UBE2QL1: variants seen among roughly 807,000 people sequenced by gnomAD.
The protein encoded by UBE2QL1 is ubiquitin-conjugating enzyme E2Q-like protein 1.
Under a neutral mutation model 12.6 loss-of-function variants are expected in UBE2QL1, and 5 were observed. The observed-to-expected ratio is 0.40, with a 90% CI of 0.21 to 0.83. The LOEUF (loss-of-function observed/expected upper bound fraction) is 0.83. Among genes scored for constraint, UBE2QL1 ranks in the 40% least tolerant of loss-of-function variants. The probability of loss-of-function intolerance (pLI) is 0.37; values close to 1 mark genes in which losing one functional copy is unlikely to be tolerated. For synonymous variants in UBE2QL1, 96 were observed against 94.5 expected, an observed-to-expected ratio of 1.02 and a Z score of -0.10; for missense variants, 99 against 222.6, an observed-to-expected ratio of 0.44 and a Z score of 3.53.
intron 1 of UBE2QL1, 27 bp downstream of exon 1, chr5:6,449,274 G>A: frequency 3.7e-6 from 5 of 1,355,712 alleles, no homozygotes; most frequent in South Asian, 3.6e-5. Context: ...GGGGCTGGGG[G>A]CGCGGGGCCG....
intron 1 of UBE2QL1, among the ~76,000 whole-genome samples, chr5:6,484,683 A>G (rs1734430924): frequency 6.6e-6 from 1 of 151,914 alleles, no homozygotes; most frequent in Non-Finnish European, 1.5e-5. Context: ...ACTTCAGACA[A>G]AACCTCAACA....
chr5:6,483,844 A>T lies in UBE2QL1; in HGVS notation c.355-7374A>T, dbSNP rs150449770. Among the ~76,000 whole-genome samples the T allele has an allele frequency of 1.1e-4, 17 of 151,954 alleles. No individual in the cohort carries two copies. In the East Asian group the frequency reaches 3.3e-3, roughly 30 times the overall value. ...GCCATGTGGCCCCTCGTGCCCCACC[A>T]CCCAATGCACTGTCCTCTATGCCCT... On this transcript the variant is annotated intron_variant, in intron 1 of 1. Transcript: ENST00000399816.
intron 1 of UBE2QL1, among the ~76,000 whole-genome samples, chr5:6,484,516 G>A (rs1734427754): frequency 6.6e-6 from 1 of 152,174 alleles, no homozygotes; most frequent in Non-Finnish European, 1.5e-5. Context: ...TGGAAGCCCA[G>A]TTTCCTACTC....
chr5:6,472,155 C>CTG (rs1239542573), intron 1 of UBE2QL1, among the ~76,000 whole-genome samples: 1 of 152,190 alleles, frequency 6.6e-6, no homozygotes, highest in Non-Finnish European at 1.5e-5. Flanking sequence ...GGCTGTGTCA[C>CTG]TGTGTGTGTG....
At chr5:6,483,870 C>G (rs1369360853) in intron 1 of UBE2QL1, among the ~76,000 whole-genome samples, 1 of 152,124 alleles carries the variant, frequency 6.6e-6, no homozygotes. Flanking sequence ...TCTATGCCCT[C>G]AGATCTGGTG....
chr5:6,478,834 G>T lies in UBE2QL1; in HGVS notation c.355-12384G>T, dbSNP rs1560934727. ...GCACGTGGGAGAGTGATCCTAGGACGTGCAGATGCATTCTGTCAGGAAACA... is the reference window on the plus strand; with the variant it reads ...GCACGTGGGAGAGTGATCCTAGGACTTGCAGATGCATTCTGTCAGGAAACA... On this transcript the variant is annotated intron_variant, in intron 1 of 1. Transcript: ENST00000399816. The surrounding 1 kb of genome is among the most constrained non-coding windows in gnomAD (Gnocchi z 4.5). Among the ~76,000 whole-genome samples, 1 of 152,252 alleles carries T rather than the reference G, an allele frequency of 6.6e-6. No individual in the cohort carries two copies. Among genetic ancestry groups the T allele is most frequent in the Non-Finnish European group, 1.5e-5 (1 of 67,998 alleles).
chr5:6,467,547 A>T (rs1175767486), intron 1 of UBE2QL1, among the ~76,000 whole-genome samples: 1 of 152,082 alleles, frequency 6.6e-6, no homozygotes, highest in Non-Finnish European at 1.5e-5. Context: ...CTCTATAAAG[A>T]TTTCTATTTC....
At chr5:6,462,359 C>T (rs889045533) in intron 1 of UBE2QL1, among the ~76,000 whole-genome samples, 2 of 152,190 alleles carry the variant, frequency 1.3e-5, no homozygotes, top group African/African-American at 4.8e-5. Flanking sequence ...GATTTGCATT[C>T]AGCTTTCCAG....
intron 1 of UBE2QL1, among the ~76,000 whole-genome samples, chr5:6,472,681 A>T (rs1739939785): frequency 6.6e-6 from 1 of 151,906 alleles, no homozygotes; most frequent in Non-Finnish European, 1.5e-5. Context: ...CCAGGTATTA[A>T]TTTTTTGTGC....
Position 6,495,153 on chromosome 5 carries a change from C to T in UBE2QL1, c.*3804C>T, listed in dbSNP as rs1361503684. 6.6e-6 allele frequency among the ~76,000 whole-genome samples: 1 copy of T among 152,150 alleles called. No homozygotes were observed. Among genetic ancestry groups the T allele is most frequent in the East Asian group, 1.9e-4 (1 of 5,184 alleles). On this transcript the variant is annotated 3_prime_UTR_variant, in exon 2 of 2. Transcript: ENST00000399816. ...GAGCGTGGACTCTGTCCTCACTGGC[C>T]CTGAACGGGAGAACTGGAGTCCCCT... is the stretch of plus-strand genomic sequence containing the variant.
chr5:6,488,276 A>G (rs188409829), intron 1 of UBE2QL1, among the ~76,000 whole-genome samples: 4 of 152,314 alleles, frequency 2.6e-5, no homozygotes, highest in Admixed American at 1.3e-4. Flanking sequence ...TCTTGTAACA[A>G]TTGAGACTTT....
chr5:6,491,403 C>G lies in UBE2QL1; in HGVS notation c.*54C>G, dbSNP rs1734567276. ...CGCCTGTCCACACACACACCAGTAC[C>G]CTGACATCTCCTCAATGCTGTGCAT... On this transcript the variant is annotated 3_prime_UTR_variant, in exon 2 of 2. Transcript: ENST00000399816. 6.7e-7 allele frequency: 1 copy of G among 1,497,542 alleles called. No individual in the cohort carries two copies. The highest frequency in any genetic ancestry group is 2.4e-5 in the Admixed American group (1 of 42,146). 92.8% of individuals were successfully genotyped at this position (1,497,542 alleles called of 1,614,324 possible). A position where few individuals can be genotyped will look rare whatever the true frequency, so the allele number is the denominator to read the frequency against.
Position 6,479,906 on chromosome 5 carries a change from A to C in UBE2QL1, c.355-11312A>C, listed in dbSNP as rs1734324413. Reference sequence around the variant, plus strand: ...GCAAAGACCAGAATGTACGTAGTAAAGGTAGACTCAGGGCCCTGATCATCT... The same window carrying C: ...GCAAAGACCAGAATGTACGTAGTAACGGTAGACTCAGGGCCCTGATCATCT... On this transcript the variant is annotated intron_variant, in intron 1 of 1. Transcript: ENST00000399816. This position sits in a 1 kb window ranked among gnomAD's most constrained non-coding sequence, Gnocchi z 4.2. Among the ~76,000 whole-genome samples the C allele has an allele frequency of 6.6e-6, 1 of 152,178 alleles. No individual in the cohort carries two copies. Among genetic ancestry groups the C allele is most frequent in the African/African-American group, 2.4e-5 (1 of 41,450 alleles).
rs529377328 is a variant in UBE2QL1 at position 6,484,423 on chromosome 5, C to G, written c.355-6795C>G. Reference sequence around the variant, plus strand: ...ATGGCACCCTCAGGCCACACGCATGCTCTTCTGCGGTGCCTCTGCCTTCAG... The same window carrying G: ...ATGGCACCCTCAGGCCACACGCATGGTCTTCTGCGGTGCCTCTGCCTTCAG... On this transcript the variant is annotated intron_variant, in intron 1 of 1. Transcript: ENST00000399816. 1.2e-4 allele frequency among the ~76,000 whole-genome samples: 19 copies of G among 152,306 alleles called. 2 individuals carry two copies. In the South Asian group the frequency reaches 3.9e-3, roughly 32 times the overall value.
At position 6,476,976 on chromosome 5, in the gene UBE2QL1, C is replaced by G. The variant is rs942537280; in HGVS notation, c.355-14242C>G. On this transcript the variant is annotated intron_variant, in intron 1 of 1. Coordinates refer to ENST00000399816, the MANE Select transcript of UBE2QL1 (RefSeq NM_001145161.3). The surrounding 1 kb of genome is among the most constrained non-coding windows in gnomAD (Gnocchi z 4.9). ...TTCACCCCATCCTCCCCAGGATGGC[C>G]CACATGGAAGCCCACAGACCACCAG... is the stretch of plus-strand genomic sequence containing the variant. Among the ~76,000 whole-genome samples the G allele has an allele frequency of 2.6e-5, 4 of 152,134 alleles. No homozygotes were observed. The highest frequency in any genetic ancestry group is 9.7e-5 in the African/African-American group (4 of 41,420).
In UBE2QL1 at chr5:6,493,786, G is replaced by C. The variant is rs11134162; in HGVS notation, c.*2437G>C. The C allele has an allele frequency of 6.6e-6, 1 of 152,120 alleles. No individual in the cohort carries two copies. Among genetic ancestry groups the C allele is most frequent in the Non-Finnish European group, 1.5e-5 (1 of 68,056 alleles). The allele number at this position is 152,120 out of a possible 1,614,324, so 9.4% of individuals were successfully genotyped here. A position where few individuals can be genotyped will look rare whatever the true frequency, so the allele number is the denominator to read the frequency against. ...ACTCCCTTTCTGGTAGACTCCCTTC[G>C]TAGGCAAGCACGGTGGTGCCCAGCC... On this transcript the variant is annotated 3_prime_UTR_variant, in exon 2 of 2. Coordinates refer to ENST00000399816, the MANE Select transcript of UBE2QL1 (RefSeq NM_001145161.3).
At chr5:6,453,367 C>T (rs370694096) in intron 1 of UBE2QL1, among the ~76,000 whole-genome samples, 23 of 152,264 alleles carry the variant, frequency 1.5e-4, no homozygotes, top group Admixed American at 1.4e-3. Context: ...TCCAGGCAGT[C>T]GTTTATTAAC....
At chr5:6,452,795 C>T (rs1739435175) in intron 1 of UBE2QL1, among the ~76,000 whole-genome samples, 1 of 152,188 alleles carries the variant, frequency 6.6e-6, no homozygotes, top group Non-Finnish European at 1.5e-5. Context: ...GCTTCCACTC[C>T]AGGCTTGGAG....
intron 1 of UBE2QL1, among the ~76,000 whole-genome samples, chr5:6,457,073 G>A (rs10076459): frequency 0.1 from 15,791 of 151,496 alleles, 1,397 homozygotes; most frequent in African/African-American, 0.24. Context: ...GATGCCACCT[G>A]CATGGCTCCT....
Sources: gnomAD v4.1 joint callset for allele counts (sites outside exome capture counted in the v4.1 genomes callset) on GRCh38, gnomAD v4.1.1 for gene constraint, Gnocchi (gnomAD v3.1) non-coding constraint, MANE v1.5 for transcripts, NCBI Gene and HGNC (gene_info 2026-07-23, HGNC 2026-07-21) for gene names.